GSAP: variants seen among roughly 807,000 people sequenced by gnomAD.
The protein encoded by GSAP is gamma-secretase-activating protein.
Under a neutral mutation model 131.7 loss-of-function variants are expected in GSAP, and 118 were observed. The ratio of observed to expected loss-of-function variants is 0.90; its 90% CI spans 0.77 to 1.04. The LOEUF (loss-of-function observed/expected upper bound fraction) is 1.04. Ranked by LOEUF, GSAP falls within the 50% of genes least tolerant of loss-of-function variation. The probability of loss-of-function intolerance (pLI) is 0.00; values close to 1 mark genes in which losing one functional copy is unlikely to be tolerated. For missense variants in GSAP, 1,019 were observed against 1,013.2 expected (o/e 1.01, Z -0.08); for synonymous variants, 381 against 363.4 (o/e 1.05, Z -0.55).
chr7:77,352,879 C>T (rs1793090985), intron 18 of GSAP, 65 bp downstream of exon 18: 1 of 919,506 alleles, frequency 1.1e-6, no homozygotes, highest in Non-Finnish European at 1.8e-6. Context: ...AGAGAGGTGT[C>T]CAACAACTGA....
intron 21 of GSAP, 31 bp from the exon 22 acceptor site, chr7:77,328,668 A>G: frequency 7.4e-7 from 1 of 1,356,396 alleles, no homozygotes; most frequent in Non-Finnish European, 1.0e-6. Flanking sequence ...TTATTCACAG[A>G]CAGCATTGCT....
chr7:77,403,673 G>C (rs1167640679), intron 3 of GSAP, among the ~76,000 whole-genome samples: 2 of 152,126 alleles, frequency 1.3e-5, no homozygotes, highest in African/African-American at 4.8e-5. Context: ...GGTCATTATA[G>C]GATGACCTGG....
chr7:77,346,127 G>A lies in GSAP; in HGVS notation c.1545+3224C>T, dbSNP rs553183680. Among the ~76,000 whole-genome samples, 4 of 151,442 alleles carry A rather than the reference G, an allele frequency of 2.6e-5. No individual in the cohort carries two copies. The South Asian group carries it at 6.3e-4, about 24-fold the overall frequency. ...TCTACTAAAAATACAAAAATTATCCGGGCATAGTGGTGCACACCTGTAATC... is the reference window on the plus strand; with the variant it reads ...TCTACTAAAAATACAAAAATTATCCAGGCATAGTGGTGCACACCTGTAATC... On this transcript the variant is annotated intron_variant, in intron 19 of 30. Coordinates refer to ENST00000257626, the MANE Select transcript of GSAP (RefSeq NM_017439.4).
chr7:77,410,374 A>G (rs1803054139), intron 1 of GSAP, among the ~76,000 whole-genome samples: 1 of 152,012 alleles, frequency 6.6e-6, no homozygotes, highest in Non-Finnish European at 1.5e-5. Flanking sequence ...GTCTTAACAC[A>G]CCCTTTTAAA....
At chr7:77,365,908 T>G (rs7795219) in intron 12 of GSAP, among the ~76,000 whole-genome samples, 14,046 of 149,356 alleles carry the variant, frequency 0.094, 735 homozygotes, top group South Asian at 0.22. Context: ...GTTTTTTTTT[T>G]TTTTTTTTTT....
intron 5 of GSAP, among the ~76,000 whole-genome samples, chr7:77,393,676 T>TTC (rs1799926880): frequency 7.1e-6 from 1 of 140,526 alleles, no homozygotes; most frequent in Admixed American, 7.0e-5. Context: ...TATACTTTCT[T>TTC]TTTTTTTTTT....
intron 19 of GSAP, 45 bp from the exon 20 acceptor site, chr7:77,330,412 T>C (rs1584291400): frequency 6.2e-7 from 1 of 1,602,354 alleles, no homozygotes; most frequent in East Asian, 2.2e-5. Context: ...GCAGGCCCAG[T>C]GGCCCAAACC....
chr7:77,353,593 G>T lies in GSAP; in HGVS notation c.1387C>A (p.Leu463Ile), dbSNP rs377364115. The change falls in exon 17 of 31, where the codon CTC becomes ATC. Residue 463 changes from leucine to isoleucine, a missense_variant. Coordinates refer to ENST00000257626, the MANE Select transcript of GSAP (RefSeq NM_017439.4). ...ENVSACHSFD[L>I]IQEFIIASSY... ...TTACCAATTATAAATTCCTGAATGA[G>T]GTCAAATGAATGGCAGGCAGAGACA... 7.5e-6 allele frequency: 12 copies of T among 1,609,648 alleles called. No individual in the cohort carries two copies. Among genetic ancestry groups the T allele is most frequent in the Non-Finnish European group, 1.0e-5 (12 of 1,176,704 alleles).
intron 25 of GSAP, among the ~76,000 whole-genome samples, chr7:77,321,106 T>C (rs946998554): frequency 1.3e-5 from 2 of 152,180 alleles, no homozygotes; most frequent in Non-Finnish European, 2.9e-5. Context: ...GGAAAGAGGA[T>C]GGGTAAAGTA....
At chr7:77,359,970 T>C (rs760850369) in intron 14 of GSAP, among the ~76,000 whole-genome samples, 12 of 152,190 alleles carry the variant, frequency 7.9e-5, no homozygotes, top group Non-Finnish European at 1.0e-4. Flanking sequence ...AGAGATCATG[T>C]TAAAATTTGC....
At chr7:77,379,880 A>G in intron 8 of GSAP, 2 of 984,342 alleles carry the variant, frequency 2.0e-6, no homozygotes, top group Non-Finnish European at 2.4e-6. Context: ...AGGCTTCTTG[A>G]TTTGAGGCTT....
At chr7:77,349,482 T>G in intron 18 of GSAP, 78 bp from the exon 19 acceptor site, 2 of 1,251,724 alleles carry the variant, frequency 1.6e-6, no homozygotes, top group Non-Finnish European at 2.3e-6. Context: ...GGGAGTGTTT[T>G]CTGCACAGAC....
intron 26 of GSAP, among the ~76,000 whole-genome samples, chr7:77,319,718 T>C (rs1472816175): frequency 1.3e-5 from 2 of 151,508 alleles, no homozygotes; most frequent in Non-Finnish European, 1.5e-5. Flanking sequence ...AAAAATGAAA[T>C]CCTGCTCCAT....
At chr7:77,394,646 G>A (rs139715486) in intron 5 of GSAP, among the ~76,000 whole-genome samples, 4 of 152,296 alleles carry the variant, frequency 2.6e-5, no homozygotes, top group East Asian at 3.9e-4. Context: ...CCAGTAAATG[G>A]GGCATTATCA....
At chr7:77,397,304 G>A (rs1308533145) in intron 4 of GSAP, 42 bp downstream of exon 4, 2 of 1,139,950 alleles carry the variant, frequency 1.8e-6, no homozygotes, top group Non-Finnish European at 2.6e-6. Context: ...CTTGAAAGAT[G>A]TAGTTCAGTT....
intron 5 of GSAP, among the ~76,000 whole-genome samples, chr7:77,389,119 G>A (rs777239222): frequency 6.6e-6 from 1 of 152,092 alleles, no homozygotes; most frequent in East Asian, 1.9e-4. Context: ...TGAGAGGTGA[G>A]TATGTGGGGG....
intron 10 of GSAP, 73 bp downstream of exon 10, chr7:77,376,775 C>CAAAA (rs10649095): frequency 7.4e-4 from 336 of 453,220 alleles, no homozygotes; most frequent in African/African-American, 3.0e-3. Flanking sequence ...GACTCCATCT[C>CAAAA]AAAAAAAAAA....
In GSAP at chr7:77,311,826, A is replaced by AG; in HGVS notation, c.2473+14dup. ...GGAAAAGTGGTAAGACCCTGAGAACAGGGGAGTAAATTACCTTGATTGGAG... is the reference window on the plus strand; with the variant it reads ...GGAAAAGTGGTAAGACCCTGAGAACAGGGGGAGTAAATTACCTTGATTGGAG... On this transcript the variant is annotated intron_variant, in intron 30 of 30. Coordinates refer to ENST00000257626, the MANE Select transcript of GSAP (RefSeq NM_017439.4). The AG allele has an allele frequency of 1.7e-6, 2 of 1,192,210 alleles. No individual in the cohort carries two copies. The highest frequency in any genetic ancestry group is 1.2e-5 in the South Asian group (1 of 82,724). The allele number at this position is 1,192,210 out of a possible 1,614,324, so 73.9% of individuals were successfully genotyped here. A position where few individuals can be genotyped will look rare whatever the true frequency, so the allele number is the denominator to read the frequency against.
chr7:77,330,573 CTTTTT>C (rs750457611), intron 19 of GSAP: 241 of 760,666 alleles, frequency 3.2e-4, no homozygotes, highest in East Asian at 5.3e-4. Context: ...TTTTCTGTCT[CTTTTT>C]TTTTTTTTTT....
Sources: gnomAD v4.1 joint callset for allele counts (sites outside exome capture counted in the v4.1 genomes callset) on GRCh38, gnomAD v4.1.1 for gene constraint, MANE v1.5 for transcripts, NCBI Gene and HGNC (gene_info 2026-07-23, HGNC 2026-07-21) for gene names.